The following DEFB119 variants were observed in gnomAD, a reference collection of about 807,000 sequenced individuals.
DEFB119 encodes the protein defensin beta 119.
DEFB119 carries 3 observed loss-of-function variants against 2.5 expected under a neutral mutation model. The observed-to-expected ratio is 1.19, with a 90% CI of 0.54 to 3.07. DEFB119 has a LOEUF of 3.07. Among genes scored for constraint, DEFB119 ranks in the 30% most tolerant of loss-of-function variants. The pLI is 0.03. For synonymous variants in DEFB119, 29 were observed against 33.7 expected (o/e 0.86, Z 0.48); for missense variants, 113 against 101.1 (o/e 1.12, Z -0.50).
chr20:31,388,845 T>C (rs1986808690), intron 1 of DEFB119: 2 of 1,124,510 alleles, frequency 1.8e-6, no homozygotes, highest in East Asian at 2.6e-5. Context: ...ACTGTAATGA[T>C]CACACCATCG....
chr20:31,385,131 A>G (rs1986645699), intron 1 of DEFB119, among the ~76,000 whole-genome samples: 1 of 152,250 alleles, frequency 6.6e-6, no homozygotes, highest in African/African-American at 2.4e-5. Flanking sequence ...TTATTCTGCT[A>G]GATGGAGAGT....
chr20:31,377,373 T>G lies in DEFB119; in HGVS notation c.128A>C (p.Glu43Ala). ...ATTTCTGCAATAGAGGTAGGGCTGT[T>G]CGTTCTTTTTGCAAGAGGCCCTACA... ...GICRASCKKN[E>A]QPYLYCRNCQ... The change falls in exon 2 of 2, where the codon GAA becomes GCA. Residue 43 changes from glutamate (E) to alanine (A), a missense_variant. Transcript: ENST00000376321. 1 of 1,614,122 alleles carries G rather than the reference T, an allele frequency of 6.2e-7. No individual in the cohort carries two copies. Among genetic ancestry groups the G allele is most frequent in the South Asian group, 1.1e-5 (1 of 91,056 alleles).
At chr20:31,382,257 C>A (rs906998317) in intron 1 of DEFB119, among the ~76,000 whole-genome samples, 3 of 152,020 alleles carry the variant, frequency 2.0e-5, no homozygotes, top group Admixed American at 2.0e-4. Flanking sequence ...GTAAAAATAT[C>A]AATAAATAAC....
chr20:31,385,842 C>T (rs1394562863), intron 1 of DEFB119, among the ~76,000 whole-genome samples: 1 of 151,282 alleles, frequency 6.6e-6, no homozygotes, highest in African/African-American at 2.5e-5. Flanking sequence ...TGCACTCCAT[C>T]CTAGGCAACC....
At position 31,379,660 on chromosome 20, in the gene DEFB119, ATTTT is replaced by A. The variant is rs35167239; in HGVS notation, c.62-2225_62-2222del. On this transcript the variant is annotated intron_variant, in intron 1 of 1. Coordinates refer to ENST00000376321, the MANE Select transcript of DEFB119 (RefSeq NM_153289.4). ...AGGTGCATGCCACCACACCCAACTA[ATTTT>A]TTTTTTTTTTTTTTGGTGAGATGGA... Among the ~76,000 whole-genome samples, 229 of 137,178 alleles carry A rather than the reference ATTTT, an allele frequency of 1.7e-3. 1 individual carries two copies. The highest frequency in any genetic ancestry group is 4.9e-3 in the African/African-American group (181 of 36,992). The allele number at this position is 137,178 out of a possible 152,430, so 90.0% of individuals were successfully genotyped here.
At chr20:31,389,107 G>C (rs763475996) in intron 1 of DEFB119, 5 of 1,614,194 alleles carry the variant, frequency 3.1e-6, no homozygotes, top group Non-Finnish European at 4.2e-6. Context: ...TCCATGAATT[G>C]TTACTGGTTG....
At chr20:31,382,095 T>A (rs557531262) in intron 1 of DEFB119, among the ~76,000 whole-genome samples, 2 of 152,306 alleles carry the variant, frequency 1.3e-5, no homozygotes, top group African/African-American at 4.8e-5. Context: ...GGCATAGAAG[T>A]ATACACATAT....
At chr20:31,380,875 C>T (rs1986480490) in intron 1 of DEFB119, among the ~76,000 whole-genome samples, 1 of 152,046 alleles carries the variant, frequency 6.6e-6, no homozygotes, top group Admixed American at 6.6e-5. Context: ...CCAACTTTAT[C>T]CTTTTTCAAA....
intron 1 of DEFB119, among the ~76,000 whole-genome samples, chr20:31,383,183 C>T (rs535982239): frequency 1.3e-5 from 2 of 152,198 alleles, no homozygotes; most frequent in African/African-American, 4.8e-5. Flanking sequence ...TGGGAGGGAC[C>T]CAGTGGGAGG....
At chr20:31,383,931 G>T (rs1986596442) in intron 1 of DEFB119, among the ~76,000 whole-genome samples, 1 of 152,172 alleles carries the variant, frequency 6.6e-6, no homozygotes, top group South Asian at 2.1e-4. Context: ...TCTTTTGCCT[G>T]CCATCATGTA....
chr20:31,387,764 G>T (rs1282792791), intron 1 of DEFB119, among the ~76,000 whole-genome samples: 1 of 152,134 alleles, frequency 6.6e-6, no homozygotes, highest in Non-Finnish European at 1.5e-5. Flanking sequence ...CTCTGGGCAG[G>T]CAATCCCAGG....
chr20:31,381,639 C>T (rs543066489), intron 1 of DEFB119, among the ~76,000 whole-genome samples: 1 of 152,194 alleles, frequency 6.6e-6, no homozygotes, highest in African/African-American at 2.4e-5. Flanking sequence ...ATGGCAAAAC[C>T]CATCTCTACA....
chr20:31,377,287 T>C lies in DEFB119; in HGVS notation c.214A>G (p.Thr72Ala). The C allele has an allele frequency of 6.2e-7, 1 of 1,614,022 alleles. No individual in the cohort carries two copies. Among genetic ancestry groups the C allele is most frequent in the East Asian group, 2.2e-5 (1 of 44,880 alleles). The change falls in exon 2 of 2, where the codon ACC becomes GCC. Residue 72 changes from threonine (T) to alanine (A), a missense_variant. Physicochemically the swap from Thr to Ala is moderately conservative, Grantham distance 58. Coordinates refer to ENST00000376321, the MANE Select transcript of DEFB119 (RefSeq NM_153289.4). ...RISISGKEEN[T>A]DWSYEKQWPR... The stretch of plus-strand genomic sequence containing the variant: ...CACTGCTTCTCATAAGACCAGTCGG[T>C]ATTTTCCTCTTTGCCAGAAATGCTT...
At chr20:31,380,524 C>T (rs1219271034) in intron 1 of DEFB119, among the ~76,000 whole-genome samples, 2 of 152,156 alleles carry the variant, frequency 1.3e-5, no homozygotes, top group African/African-American at 4.8e-5. Flanking sequence ...CCTCAGCATC[C>T]TGATTCACTG....
At chr20:31,387,786 C>T (rs1986766841) in intron 1 of DEFB119, among the ~76,000 whole-genome samples, 1 of 152,160 alleles carries the variant, frequency 6.6e-6, no homozygotes, top group African/African-American at 2.4e-5. Flanking sequence ...CCCAGCTACT[C>T]AAAGCATGAC....
intron 1 of DEFB119, among the ~76,000 whole-genome samples, chr20:31,382,524 T>C (rs1254381057): frequency 6.6e-6 from 1 of 152,232 alleles, no homozygotes; most frequent in African/African-American, 2.4e-5. Flanking sequence ...TTAATTATTA[T>C]TGTTGTTTTA....
intron 1 of DEFB119, 22 bp downstream of exon 1, chr20:31,390,401 C>T (rs936016120): frequency 1.9e-6 from 3 of 1,609,030 alleles, no homozygotes; most frequent in Non-Finnish European, 2.5e-6. Context: ...GAACCCAGAC[C>T]CCCGAGAGAG....
At chr20:31,383,844 A>AAAAT (rs528889341) in intron 1 of DEFB119, among the ~76,000 whole-genome samples, 4,895 of 151,692 alleles carry the variant, frequency 0.032, 260 homozygotes, top group African/African-American at 0.11. Flanking sequence ...CTCTGTCTCA[A>AAAAT]AAATAAATAA....
At chr20:31,381,385 G>A (rs1181881448) in intron 1 of DEFB119, among the ~76,000 whole-genome samples, 1 of 152,206 alleles carries the variant, frequency 6.6e-6, no homozygotes, top group Non-Finnish European at 1.5e-5. Flanking sequence ...TCTTCAAATA[G>A]ACACCATTTT....
Sources: gnomAD v4.1 joint callset for allele counts (sites outside exome capture counted in the v4.1 genomes callset) on GRCh38, gnomAD v4.1.1 for gene constraint, MANE v1.5 for transcripts, NCBI Gene and HGNC (gene_info 2026-07-23, HGNC 2026-07-21) for gene names.